Variants in MYO18B observed in about 807,000 individuals in gnomAD.
MYO18B encodes the protein myosin XVIIIB.
In MYO18B, 204 loss-of-function variants were observed where a neutral mutation model predicts 273.0. The ratio of observed to expected loss-of-function variants is 0.75; its 90% CI spans 0.67 to 0.84. The LOEUF (loss-of-function observed/expected upper bound fraction) is 0.84, where lower values mean the gene tolerates loss of function less well. MYO18B is among the 40% of genes least tolerant of loss of function. The probability of loss-of-function intolerance (pLI) is 0.00; values close to 1 mark genes in which losing one functional copy is unlikely to be tolerated. For synonymous variants in MYO18B, 1,330 were observed against 1,305.7 expected, an observed-to-expected ratio of 1.02 and a Z score of -0.40; for missense variants, 3,212 against 3,287.6, an observed-to-expected ratio of 0.98 and a Z score of 0.56.
chr22:25,800,707 C>T, intron 12 of MYO18B, among the ~76,000 whole-genome samples: 1 of 152,218 alleles, frequency 6.6e-6, no homozygotes, highest in Non-Finnish European at 1.5e-5. Context: ...TAAGGGGGAG[C>T]CCCCTGGCTT....
At chr22:25,885,796 T>G (rs1411134507) in intron 25 of MYO18B, among the ~76,000 whole-genome samples, 1 of 152,154 alleles carries the variant, frequency 6.6e-6, no homozygotes, top group Non-Finnish European at 1.5e-5. Context: ...AACCCCCTTA[T>G]AAAGCCCCTG....
chr22:26,060,713 C>T, the MYO18B span, among the ~76,000 whole-genome samples: 1 of 152,084 alleles, frequency 6.6e-6, no homozygotes, highest in Non-Finnish European at 1.5e-5. Context: ...CACACATGCA[C>T]ACATACATAT....
intron 34 of MYO18B, among the ~76,000 whole-genome samples, chr22:25,925,116 G>A (rs1456696777): frequency 6.6e-6 from 1 of 152,116 alleles, no homozygotes; most frequent in Non-Finnish European, 1.5e-5. Flanking sequence ...TCTATTGTCA[G>A]GCACTTACTA....
intron 1 of MYO18B, among the ~76,000 whole-genome samples, chr22:25,746,187 G>C (rs553561214): frequency 6.6e-6 from 1 of 152,302 alleles, no homozygotes; most frequent in East Asian, 1.9e-4. Flanking sequence ...TGATGATCAA[G>C]GCAGGTAGTG....
In MYO18B at chr22:25,772,474, C is replaced by G. The variant is rs765024331; in HGVS notation, c.1833C>G (p.Leu611=). Residue 611 remains leucine (L), a synonymous_variant, in exon 7 of 44, where the codon CTC becomes CTG. Transcript: ENST00000335473. Reference sequence around the variant, plus strand: ...GCACAGGGCCTGATCTGATTGTCCTCCAGCCCCGGGGGCCCTCGGTGCCTT... The same window carrying G: ...GCACAGGGCCTGATCTGATTGTCCTGCAGCCCCGGGGGCCCTCGGTGCCTT... ...HTCTGPDLIV[L]QPRGPSVPSA... is the part of the protein sequence containing the mutation. 7.8e-5 allele frequency: 126 copies of G among 1,613,860 alleles called. No homozygotes were observed. The highest frequency in any genetic ancestry group is 1.0e-4 in the Non-Finnish European group (120 of 1,179,910).
intron 21 of MYO18B, among the ~76,000 whole-genome samples, chr22:25,867,290 C>T (rs539300477): frequency 5.9e-5 from 9 of 152,334 alleles, no homozygotes; most frequent in Non-Finnish European, 8.8e-5. Flanking sequence ...TTCATTTCCC[C>T]CTGTCTCCAA....
the MYO18B span, among the ~76,000 whole-genome samples, chr22:26,049,153 GC>G: frequency 2.0e-5 from 3 of 152,330 alleles, no homozygotes; most frequent in African/African-American, 7.2e-5. Context: ...CTCAGGGGCT[GC>G]CCCCAGCTGT....
chr22:25,826,119 T>C (rs2145905418), intron 13 of MYO18B, among the ~76,000 whole-genome samples: 1 of 152,260 alleles, frequency 6.6e-6, no homozygotes, highest in East Asian at 1.9e-4. Context: ...GTGGTGGTGA[T>C]GGTGGTAGTC....
Position 25,898,454 on chromosome 22 carries a change from C to G in MYO18B, c.4816C>G (p.Gln1606Glu), listed in dbSNP as rs2146321695. ...TCGAAACCATGAGCTGGAGAAGAAG[C>G]AGAAGAAGTGAGTTGCATCTCTCAC... Reference protein sequence around the residue: ...QSRNHELEKKQKKFDLQLAQA... With the variant: ...QSRNHELEKKEKKFDLQLAQA... Residue 1606 changes from glutamine (Q) to glutamate (E), a missense_variant, in exon 29 of 44, where the codon CAG becomes GAG. Gln to Glu is a conservative substitution (Grantham distance 29). Coordinates refer to ENST00000335473, the MANE Select transcript of MYO18B (RefSeq NM_032608.7). 6.2e-7 allele frequency: 1 copy of G among 1,613,474 alleles called. No homozygotes were observed. Among genetic ancestry groups the G allele is most frequent in the East Asian group, 2.2e-5 (1 of 44,870 alleles).
At chr22:25,805,403 G>A (rs972574161) in intron 12 of MYO18B, among the ~76,000 whole-genome samples, 7 of 152,340 alleles carry the variant, frequency 4.6e-5, no homozygotes, top group Admixed American at 1.3e-4. Context: ...GGGACTCTCA[G>A]GTTGGACCAG....
At chr22:25,832,170 T>C (rs1269532628) in intron 15 of MYO18B, among the ~76,000 whole-genome samples, 2 of 152,102 alleles carry the variant, frequency 1.3e-5, no homozygotes, top group African/African-American at 4.8e-5. Flanking sequence ...TGTAAAATAG[T>C]GCAGCCGCTG....
intron 25 of MYO18B, among the ~76,000 whole-genome samples, chr22:25,890,279 T>C (rs1406485696): frequency 2.0e-5 from 3 of 152,072 alleles, no homozygotes; most frequent in Non-Finnish European, 4.4e-5. Context: ...TGTAGAGAGG[T>C]GGTCTGGTGG....
intron 42 of MYO18B, among the ~76,000 whole-genome samples, chr22:26,007,679 C>T (rs116122151): frequency 1.2e-3 from 188 of 152,240 alleles, no homozygotes; most frequent in African/African-American, 4.3e-3. Context: ...AAAGGACCAC[C>T]GGGATTATCC....
intron 1 of MYO18B, among the ~76,000 whole-genome samples, chr22:25,754,107 G>A (rs573950825): frequency 1.3e-5 from 2 of 152,310 alleles, no homozygotes; most frequent in South Asian, 4.1e-4. Context: ...AAGAGAACGC[G>A]TTGAGAATTC....
intron 21 of MYO18B, among the ~76,000 whole-genome samples, chr22:25,862,724 A>T (rs1344591404): frequency 6.6e-6 from 1 of 152,092 alleles, no homozygotes; most frequent in Non-Finnish European, 1.5e-5. Context: ...TTTACACAAT[A>T]AGTTATTCCT....
intron 12 of MYO18B, among the ~76,000 whole-genome samples, chr22:25,809,989 T>C (rs1369158798): frequency 7.9e-6 from 1 of 126,634 alleles, no homozygotes; most frequent in East Asian, 2.1e-4. Context: ...TCCAGAAGAA[T>C]AGAAAGTTTA....
chr22:25,985,818 G>T (rs1290258537), intron 39 of MYO18B, among the ~76,000 whole-genome samples: 1 of 152,030 alleles, frequency 6.6e-6, no homozygotes, highest in Admixed American at 6.5e-5. Context: ...TTTTAATACA[G>T]CTGGGGTTTC....
In MYO18B at chr22:25,769,227, G is replaced by T. The variant is rs764796844; in HGVS notation, c.1311G>T (p.Trp437Cys). ...CAGCAGCTCCTGGGAAGGGAGGCTG[G>T]CCAGGAAGCCGTGGGCAGGAAGCAG... ...ESPAAPGKGG[W>C]PGSRGQEAEE... is the part of the protein sequence containing the mutation. Residue 437 changes from tryptophan to cysteine, a missense_variant, in exon 4 of 44, where the codon TGG (tryptophan) becomes TGT (cysteine). Transcript: ENST00000335473. 3.1e-6 allele frequency: 5 copies of T among 1,601,406 alleles called. No homozygotes were observed. In the African/African-American group the frequency reaches 4.0e-5, roughly 13 times the overall value.
At chr22:25,761,213 C>A in intron 2 of MYO18B, 82 bp downstream of exon 2, 2 of 1,463,166 alleles carry the variant, frequency 1.4e-6, no homozygotes, top group Non-Finnish European at 9.5e-7. Flanking sequence ...CCTTTCCCAC[C>A]TTGAGTGGGG....
Sources: allele counts gnomAD v4.1 joint callset (sites outside exome capture counted in the v4.1 genomes callset), GRCh38; gene constraint gnomAD v4.1.1; transcripts MANE v1.5; gene names NCBI Gene and HGNC (gene_info 2026-07-23, HGNC 2026-07-21).